The following RS1 variants were observed in gnomAD, a reference collection of about 807,000 sequenced individuals.
The protein encoded by RS1 is retinoschisin.
In RS1, 2 loss-of-function variants were observed where a neutral mutation model predicts 20.8. That is an observed-to-expected ratio of 0.10 (90% confidence interval 0.04 to 0.30). RS1 has a LOEUF of 0.30. RS1 is among the 10% of genes least tolerant of loss of function. The pLI, the probability that RS1 is intolerant of heterozygous loss-of-function variation, is 1.00. For missense variants in RS1, 151 were observed against 189.8 expected, an observed-to-expected ratio of 0.80 and a Z score of 1.20; for synonymous variants, 70 against 75.8, an observed-to-expected ratio of 0.92 and a Z score of 0.40.
chrX:18,651,264 T>TGAGAGAGA (rs1191836877), intron 3 of RS1, among the ~76,000 whole-genome samples: 7 of 69,007 alleles, frequency 1.0e-4, no homozygotes, highest in African/African-American at 4.4e-4. Flanking sequence ...TGTGTGTGTG[T>TGAGAGAGA]GAGAGAGAGA....
chrX:18,669,725 A>G (rs1928462586), intron 1 of RS1, among the ~76,000 whole-genome samples: 1 of 111,288 alleles, frequency 9.0e-6, no homozygotes, highest in Non-Finnish European at 1.9e-5. Flanking sequence ...GGCCTTATGC[A>G]TCTCCATCTG....
intron 1 of RS1, among the ~76,000 whole-genome samples, chrX:18,668,953 A>G (rs1160135811): frequency 8.9e-6 from 1 of 112,039 alleles, no homozygotes; most frequent in Non-Finnish European, 1.9e-5. Context: ...ATAGACTTTC[A>G]ATGGGTGAAT....
At chrX:18,647,634 T>C (rs1927840665) in intron 3 of RS1, 1 of 316,011 alleles carries the variant, frequency 3.2e-6, no homozygotes, top group Non-Finnish European at 5.6e-6. Context: ...ATACTTCACC[T>C]CCTCCACCAA....
intron 5 of RS1, among the ~76,000 whole-genome samples, chrX:18,643,829 A>AATATATATATATATATAT (rs755520723): frequency 1.9e-5 from 2 of 105,883 alleles, no homozygotes; most frequent in Non-Finnish European, 1.9e-5. Context: ...ATTCATAGCA[A>AATATATATATATATATAT]ATATATATAT....
chrX:18,657,778 C>T (rs1928243883), intron 1 of RS1, 113 bp from the exon 2 acceptor site: 1 of 618,162 alleles, frequency 1.6e-6, no homozygotes, highest in Admixed American at 2.4e-5. Flanking sequence ...GCTACCAACA[C>T]CCCTTCTGGA....
chrX:18,656,148 C>T (rs1928211375), intron 3 of RS1, among the ~76,000 whole-genome samples: 1 of 109,348 alleles, frequency 9.1e-6, no homozygotes, highest in African/African-American at 3.3e-5. Context: ...CAAGCCACCA[C>T]ACCCGGATAA....
chrX:18,666,966 G>T (rs1172729976), intron 1 of RS1, among the ~76,000 whole-genome samples: 1 of 111,116 alleles, frequency 9.0e-6, no homozygotes, highest in Admixed American at 9.6e-5. Context: ...GACGCCTAGG[G>T]GACACCCCAG....
rs752656412 is a variant in RS1 at position 18,647,284 on chromosome X, G to A, written c.233C>T (p.Pro78Leu). 7.4e-6 allele frequency: 9 copies of A among 1,208,506 alleles called. No individual in the cohort carries two copies. In the Admixed American group the frequency reaches 1.1e-4, roughly 15 times the overall value. ...PLGFESGEVTPDQITCSNPEQ... is the reference protein window; with the variant it reads ...PLGFESGEVTLDQITCSNPEQ... ...CGGGTTAGAGCAGGTGATCTGGTCC[G>A]GTGTGACCTCCCCTGACTCGAAACC... is the stretch of plus-strand genomic sequence containing the variant. Residue 78 changes from proline to leucine, a missense_variant, in exon 4 of 6, where the codon CCG (proline) becomes CTG (leucine). Pro to Leu is a moderately conservative substitution (Grantham distance 98, BLOSUM62 -3). Coordinates refer to ENST00000379984, the MANE Select transcript of RS1 (RefSeq NM_000330.4).
At chrX:18,644,679 A>G in intron 4 of RS1, 54 bp from the exon 5 acceptor site, 1 of 1,150,402 alleles carries the variant, frequency 8.7e-7, no homozygotes, top group Non-Finnish European at 1.2e-6. Flanking sequence ...TGTCTGCAAA[A>G]AGCCCGCAGG....
At chrX:18,671,170 T>C (rs779565535) in intron 1 of RS1, among the ~76,000 whole-genome samples, 17 of 111,865 alleles carry the variant, frequency 1.5e-4, no homozygotes, top group Admixed American at 2.9e-4. Context: ...CCAGGTCATT[T>C]GCAGAGCACA....
At chrX:18,650,324 C>T (rs1222386057) in intron 3 of RS1, 1 of 902,842 alleles carries the variant, frequency 1.1e-6, no homozygotes, top group Non-Finnish European at 1.6e-6. Flanking sequence ...CTCTCACTGT[C>T]ACCTTGGCTT....
intron 3 of RS1, among the ~76,000 whole-genome samples, chrX:18,653,031 T>C (rs1024821861): frequency 8.9e-5 from 10 of 112,429 alleles, no homozygotes; most frequent in Non-Finnish European, 1.9e-4. Flanking sequence ...CAGATGTGAA[T>C]AGTGTTATGC....
intron 1 of RS1, among the ~76,000 whole-genome samples, chrX:18,663,123 C>T (rs1189469792): frequency 2.4e-4 from 24 of 100,911 alleles, no homozygotes; most frequent in East Asian, 2.3e-3. Context: ...ACAACAACTT[C>T]GGCCTCCTGG....
At chrX:18,670,090 G>A (rs1460626961) in intron 1 of RS1, among the ~76,000 whole-genome samples, 2 of 111,212 alleles carry the variant, frequency 1.8e-5, no homozygotes, top group Admixed American at 9.6e-5. Context: ...CCACTAACTG[G>A]GCAGGTCTAA....
At chrX:18,669,565 C>T (rs1366282073) in intron 1 of RS1, among the ~76,000 whole-genome samples, 2 of 109,159 alleles carry the variant, frequency 1.8e-5, no homozygotes, top group African/African-American at 3.3e-5. Flanking sequence ...TCATCCAACG[C>T]CTAAGTGAAG....
chrX:18,656,560 G>A, intron 3 of RS1, 93 bp downstream of exon 3: 1 of 645,031 alleles, frequency 1.6e-6, no homozygotes, highest in Non-Finnish European at 2.6e-6. Flanking sequence ...GATGGGGGTA[G>A]CGTTCAGGGG....
At chrX:18,653,967 CA>C (rs745365483) in intron 3 of RS1, among the ~76,000 whole-genome samples, 15 of 97,205 alleles carry the variant, frequency 1.5e-4, no homozygotes, top group East Asian at 3.1e-4. Flanking sequence ...GATTCCGTCT[CA>C]AAAAAAAAAT....
At chrX:18,665,280 G>A (rs1329863540) in intron 1 of RS1, among the ~76,000 whole-genome samples, 1 of 112,268 alleles carries the variant, frequency 8.9e-6, no homozygotes, top group Non-Finnish European at 1.9e-5. Flanking sequence ...ACTCTCCTGC[G>A]CAAAACGCTT....
intron 4 of RS1, chrX:18,645,864 A>T: frequency 1.2e-6 from 1 of 854,023 alleles, no homozygotes; most frequent in Non-Finnish European, 1.7e-6. Context: ...GGCATTTCCT[A>T]GTCTCCCTTG....
Sources: allele counts gnomAD v4.1 joint callset (sites outside exome capture counted in the v4.1 genomes callset), GRCh38; gene constraint gnomAD v4.1.1; transcripts MANE v1.5; gene names NCBI Gene and HGNC (gene_info 2026-07-23, HGNC 2026-07-21).